The following ATP6V1E1 variants were observed in gnomAD, a reference collection of about 807,000 sequenced individuals.
ATP6V1E1 encodes the protein ATPase H+ transporting V1 subunit E1, also known as V-type proton ATPase subunit E 1.
In ATP6V1E1, 21 loss-of-function variants were observed where a neutral mutation model predicts 35.2. The observed-to-expected ratio is 0.60, with a 90% CI of 0.42 to 0.86. The LOEUF (loss-of-function observed/expected upper bound fraction) is 0.86. ATP6V1E1 is among the 40% of genes least tolerant of loss of function. The pLI, the probability that ATP6V1E1 is intolerant of heterozygous loss-of-function variation, is 0.00. For synonymous variants in ATP6V1E1, 83 were observed against 87.8 expected (o/e 0.95, Z 0.30); for missense variants, 183 against 272.6 (o/e 0.67, Z 2.32).
chr22:17,628,010 A>C (rs1384513290), intron 1 of ATP6V1E1, among the ~76,000 whole-genome samples: 2 of 138,542 alleles, frequency 1.4e-5, no homozygotes, highest in African/African-American at 2.7e-5. Flanking sequence ...TTCCAGAGGG[A>C]GTCTCGCCCT....
At chr22:17,614,900 C>T (rs973693854) in intron 2 of ATP6V1E1, among the ~76,000 whole-genome samples, 4 of 148,664 alleles carry the variant, frequency 2.7e-5, no homozygotes, top group African/African-American at 7.5e-5. Flanking sequence ...ACCCGGGAGG[C>T]GGAACTTGCA....
At position 17,615,768 on chromosome 22, in the gene ATP6V1E1, A is replaced by G. The variant is rs191684738; in HGVS notation, c.100-2448T>C. Among the ~76,000 whole-genome samples the G allele has an allele frequency of 3.7e-3, 564 of 151,970 alleles. 5 individuals are homozygous for G. The highest frequency in any genetic ancestry group is 0.01 in the Middle Eastern group (3 of 294). On this transcript the variant is annotated intron_variant, in intron 2 of 8. Coordinates refer to ENST00000253413, the MANE Select transcript of ATP6V1E1 (RefSeq NM_001696.4). ...CAAAAATTGGCCTGGCGCGGTAGCTAACGCCTGTAATCCCAACACTTTGGG... is the reference window on the plus strand; with the variant it reads ...CAAAAATTGGCCTGGCGCGGTAGCTGACGCCTGTAATCCCAACACTTTGGG...
rs1016584972 is a variant in ATP6V1E1 at position 17,597,907 on chromosome 22, G to A, written c.530+287C>T. 17 of 376,772 alleles carry A rather than the reference G, an allele frequency of 4.5e-5. No individual in the cohort carries two copies. In the East Asian group the frequency reaches 9.0e-4, roughly 20 times the overall value. 23.3% of individuals were successfully genotyped at this position (376,772 alleles called of 1,614,324 possible). ...TTGGTAAGGATGGTCTCGATCTCTT[G>A]ACCTTGTGATCCACCTGCCTCAGCC... On this transcript the variant is annotated intron_variant, in intron 7 of 8. Coordinates refer to ENST00000253413, the MANE Select transcript of ATP6V1E1 (RefSeq NM_001696.4).
intron 4 of ATP6V1E1, among the ~76,000 whole-genome samples, chr22:17,602,309 C>T (rs573884111): frequency 6.6e-6 from 1 of 152,168 alleles, no homozygotes; most frequent in South Asian, 2.1e-4. Flanking sequence ...AAACAAATCT[C>T]ATATGGCTGA....
intron 1 of ATP6V1E1, among the ~76,000 whole-genome samples, chr22:17,627,872 T>C (rs1453106209): frequency 6.7e-6 from 1 of 150,098 alleles, no homozygotes. Context: ...GTGAACGACC[T>C]TGTCAAAACA....
At chr22:17,618,553 G>A (rs374967088) in intron 2 of ATP6V1E1, among the ~76,000 whole-genome samples, 1 of 151,676 alleles carries the variant, frequency 6.6e-6, no homozygotes, top group Non-Finnish European at 1.5e-5. Context: ...GTGGTGGCGG[G>A]TGTCTGTAAT....
intron 4 of ATP6V1E1, among the ~76,000 whole-genome samples, chr22:17,607,121 A>T (rs2057790629): frequency 6.6e-6 from 1 of 151,302 alleles, no homozygotes; most frequent in African/African-American, 2.4e-5. Context: ...AAACACAATG[A>T]TTTTTTTCAC....
At chr22:17,593,703 A>G (rs1398243964) in intron 8 of ATP6V1E1, among the ~76,000 whole-genome samples, 10 of 152,220 alleles carry the variant, frequency 6.6e-5, no homozygotes, top group Admixed American at 6.5e-4. Flanking sequence ...TTTAGTTATA[A>G]GACAAGTATC....
intron 8 of ATP6V1E1, among the ~76,000 whole-genome samples, chr22:17,593,695 T>C (rs1486283983): frequency 6.6e-6 from 1 of 152,250 alleles, no homozygotes; most frequent in Non-Finnish European, 1.5e-5. Flanking sequence ...GAAAGTGCTT[T>C]AGTTATAAGA....
chr22:17,594,070 CAG>C (rs1407962445), intron 8 of ATP6V1E1, among the ~76,000 whole-genome samples: 2 of 152,184 alleles, frequency 1.3e-5, no homozygotes, highest in Middle Eastern at 3.4e-3. Context: ...GGTGTGGTGG[CAG>C]GTGCCTGTAA....
upstream of ATP6V1E1, chr22:17,628,794 T>C (rs2057942669): frequency 2.2e-6 from 2 of 917,806 alleles, no homozygotes; most frequent in Non-Finnish European, 3.4e-6. Context: ...CAGTTCATCC[T>C]CATGACCCTT....
At position 17,598,008 on chromosome 22, in the gene ATP6V1E1, C is replaced by T. The variant is rs558851702; in HGVS notation, c.530+186G>A. On this transcript the variant is annotated intron_variant, in intron 7 of 8. Transcript: ENST00000253413. ...GACTTTTAGAGTATATTTAGCCAGCCAACAAGGGAGAGCAAGAGAGCACTG... is the reference window on the plus strand; with the variant it reads ...GACTTTTAGAGTATATTTAGCCAGCTAACAAGGGAGAGCAAGAGAGCACTG... 1.5e-4 allele frequency: 86 copies of T among 576,392 alleles called. 1 individual carries two copies. In the South Asian group the frequency reaches 1.8e-3, roughly 12 times the overall value. The allele number at this position is 576,392 out of a possible 1,614,324, so 35.7% of individuals were successfully genotyped here.
intron 4 of ATP6V1E1, among the ~76,000 whole-genome samples, chr22:17,604,870 C>T (rs1027455012): frequency 1.3e-5 from 2 of 152,108 alleles, no homozygotes; most frequent in Non-Finnish European, 2.9e-5. Context: ...ATCTCCACTT[C>T]AGTACCAATG....
chr22:17,623,339 A>T (rs553918944), intron 1 of ATP6V1E1, among the ~76,000 whole-genome samples: 1 of 152,326 alleles, frequency 6.6e-6, no homozygotes, highest in South Asian at 2.1e-4. Context: ...AATGGTGTCT[A>T]CAAGTTTAGT....
intron 1 of ATP6V1E1, 109 bp from the exon 2 acceptor site, chr22:17,619,635 T>C: frequency 1.1e-6 from 1 of 934,220 alleles, no homozygotes; most frequent in Non-Finnish European, 1.6e-6. Flanking sequence ...CCCGTAATCC[T>C]ACCACTCTGG....
intron 6 of ATP6V1E1, among the ~76,000 whole-genome samples, 198 bp downstream of exon 6, chr22:17,599,829 G>A (rs1837525661): frequency 6.6e-6 from 1 of 151,654 alleles, no homozygotes; most frequent in Admixed American, 6.6e-5. Context: ...GGAGGCTGAG[G>A]CAGGAGAATC....
At chr22:17,623,330 A>G (rs1422692892) in intron 1 of ATP6V1E1, among the ~76,000 whole-genome samples, 1 of 152,140 alleles carries the variant, frequency 6.6e-6, no homozygotes, top group Non-Finnish European at 1.5e-5. Context: ...GGTCATGGTA[A>G]TGGTGTCTAC....
chr22:17,605,405 C>T (rs536143739), intron 4 of ATP6V1E1, among the ~76,000 whole-genome samples: 58 of 147,106 alleles, frequency 3.9e-4, no homozygotes, highest in African/African-American at 1.5e-3. Context: ...TGGCACATGC[C>T]TGTAATCCCA....
chr22:17,598,937 C>T (rs1053209380), intron 6 of ATP6V1E1, among the ~76,000 whole-genome samples: 14 of 152,098 alleles, frequency 9.2e-5, no homozygotes, highest in African/African-American at 3.1e-4. Context: ...GACAGATGAA[C>T]GGATAAACAC....
Sources: gnomAD v4.1 joint callset for allele counts (sites outside exome capture counted in the v4.1 genomes callset) on GRCh38, gnomAD v4.1.1 for gene constraint, MANE v1.5 for transcripts, NCBI Gene and HGNC (gene_info 2026-07-23, HGNC 2026-07-21) for gene names.